PRRG3: variants seen among roughly 807,000 people sequenced by gnomAD.
The protein encoded by PRRG3 is proline rich and Gla domain 3.
Under a neutral mutation model 15.8 loss-of-function variants are expected in PRRG3, and 21 were observed. The ratio of observed to expected loss-of-function variants is 1.33; its 90% confidence interval spans 0.94 to 1.92. The LOEUF (loss-of-function observed/expected upper bound fraction) is 1.92. PRRG3 is among the 40% of genes most tolerant of loss of function. The pLI is 0.00. For missense variants in PRRG3, 251 were observed against 200.2 expected, an observed-to-expected ratio of 1.25 and a Z score of -1.53; for synonymous variants, 125 against 84.1, an observed-to-expected ratio of 1.49 and a Z score of -2.66.
At chrX:151,696,231 C>A (rs1253445469) in intron 1 of PRRG3, among the ~76,000 whole-genome samples, 1 of 111,389 alleles carries the variant, frequency 9.0e-6, no homozygotes, top group African/African-American at 3.3e-5. Flanking sequence ...GGAGCCCTCA[C>A]GATTGCTTCC....
rs759652055 is a variant in PRRG3, at chrX:151,700,319, G to A, written c.168+163G>A. Reference sequence around the variant, plus strand: ...CAGATAAAGTACGTACAGTCCCATTGCCTGACTCTTTTGGGGTCCTCCTCA... The same window carrying A: ...CAGATAAAGTACGTACAGTCCCATTACCTGACTCTTTTGGGGTCCTCCTCA... On this transcript the variant is annotated intron_variant, in intron 3 of 3. Coordinates refer to ENST00000674457, the MANE Select transcript of PRRG3 (RefSeq NM_001372163.1). 17 of 1,145,327 alleles carry A rather than the reference G, an allele frequency of 1.5e-5. No individual in the cohort carries two copies. In the African/African-American group the frequency reaches 2.7e-4, roughly 18 times the overall value. The allele number at this position is 1,145,327 out of a possible 1,213,427, so 94.4% of individuals were successfully genotyped here. A position where few individuals can be genotyped will look rare whatever the true frequency, so the allele number is the denominator to read the frequency against.
Position 151,700,932 on chromosome X carries a change from G to T in PRRG3, c.595G>T (p.Ala199Ser). Residue 199 changes from alanine to serine, a missense_variant, in exon 4 of 4, where the codon GCG (alanine) becomes TCG (serine). Physicochemically the swap from Ala to Ser is moderately conservative, Grantham distance 99. Coordinates refer to ENST00000674457, the MANE Select transcript of PRRG3 (RefSeq NM_001372163.1). ...TPPPSYEEVTAPQESSSEEAS... is the reference protein window; with the variant it reads ...TPPPSYEEVTSPQESSSEEAS... Reference sequence around the variant, plus strand: ...TCCCCCCTCCTACGAGGAGGTGACTGCGCCCCAAGAGAGCAGCAGTGAGGA... The same window carrying T: ...TCCCCCCTCCTACGAGGAGGTGACTTCGCCCCAAGAGAGCAGCAGTGAGGA... 3.3e-6 allele frequency: 4 copies of T among 1,210,879 alleles called. No homozygotes were observed.
intron 1 of PRRG3, chrX:151,698,489 G>A (rs2014804569): frequency 4.8e-6 from 1 of 208,898 alleles, no homozygotes; most frequent in Non-Finnish European, 8.7e-6. Context: ...CTTTTTAAAA[G>A]AAAAAGGTCA....
intron 1 of PRRG3, chrX:151,698,535 T>A (rs758495382): frequency 4.3e-5 from 12 of 276,186 alleles, no homozygotes; most frequent in Admixed American, 6.4e-5. Flanking sequence ...AACATGTTCT[T>A]GGGGGAAAAC....
At chrX:151,696,972 C>T (rs998637831) in intron 1 of PRRG3, among the ~76,000 whole-genome samples, 5 of 110,742 alleles carry the variant, frequency 4.5e-5, no homozygotes, top group African/African-American at 3.3e-5. Flanking sequence ...ATTTTCTTTT[C>T]TTTCTTTTCT....
rs376349778 is a variant in PRRG3 at position 151,701,527 on chromosome X, G to A, written c.*494G>A. 1 of 115,276 alleles carries A rather than the reference G, an allele frequency of 8.7e-6. No homozygotes were observed. Among genetic ancestry groups the A allele is most frequent in the Admixed American group, 9.3e-5 (1 of 10,737 alleles). The allele number at this position is 115,276 out of a possible 1,213,427, so 9.5% of individuals were successfully genotyped here. A position where few individuals can be genotyped will look rare whatever the true frequency, so the allele number is the denominator to read the frequency against. On this transcript the variant is annotated 3_prime_UTR_variant, in exon 4 of 4. Coordinates refer to ENST00000674457, the MANE Select transcript of PRRG3 (RefSeq NM_001372163.1). ...GTCCTTGCTTACATTTGGAGGACAG[G>A]GACAAGGACTGAGCAAAAACAAAAT...
At position 151,704,268 on chromosome X, in the gene PRRG3, G is replaced by T. The variant is rs2014944126; in HGVS notation, c.*3235G>T. The T allele has an allele frequency of 9.1e-6, 1 of 110,207 alleles. No individual in the cohort carries two copies. Among genetic ancestry groups the T allele is most frequent in the Non-Finnish European group, 1.9e-5 (1 of 52,829 alleles). 9.1% of individuals were successfully genotyped at this position (110,207 alleles called of 1,213,427 possible). A position where few individuals can be genotyped will look rare whatever the true frequency, so the allele number is the denominator to read the frequency against. ...GACGCAGTGCTGAGCAGTCAGCCCC[G>T]GGAGGCCTCTTTTTCAACTTCCAAT... On this transcript the variant is annotated 3_prime_UTR_variant, in exon 4 of 4. Coordinates refer to ENST00000674457, the MANE Select transcript of PRRG3 (RefSeq NM_001372163.1).
chrX:151,700,288 A>T (rs183537400), intron 3 of PRRG3, 132 bp downstream of exon 3: 1 of 1,168,913 alleles, frequency 8.6e-7, no homozygotes, highest in African/African-American at 1.8e-5. Context: ...TAGGGCCATC[A>T]CGGAGCAGAT....
At chrX:151,695,356 G>A (rs1482735662), upstream of PRRG3, 1 of 110,877 alleles carries the variant, frequency 9.0e-6, no homozygotes, top group African/African-American at 3.3e-5. Context: ...CGGGCGACAG[G>A]GTGCCCGGGG....
intron 3 of PRRG3, 138 bp from the exon 4 acceptor site, chrX:151,700,368 T>C (rs1313490109): frequency 4.4e-6 from 5 of 1,140,626 alleles, no homozygotes; most frequent in Non-Finnish European, 4.7e-6. Flanking sequence ...TCCTTTGCCC[T>C]TGGTACATTC....
Position 151,700,912 on chromosome X carries a change from C to A in PRRG3, c.575C>A (p.Pro192His), listed in dbSNP as rs746260075. 2 of 1,210,825 alleles carry A rather than the reference C, an allele frequency of 1.7e-6. No individual in the cohort carries two copies. Among genetic ancestry groups the A allele is most frequent in the Non-Finnish European group, 2.2e-6 (2 of 895,077 alleles). Residue 192 changes from proline to histidine, a missense_variant, in exon 4 of 4, where the codon CCC becomes CAC. Physicochemically the swap from Pro to His is moderately conservative, Grantham distance 77 (BLOSUM62 -2). Coordinates refer to ENST00000674457, the MANE Select transcript of PRRG3 (RefSeq NM_001372163.1). ...AGACTGTCCAGCACCACCCCTCCCC[C>A]CTCCTACGAGGAGGTGACTGCGCCC... ...LSRLSSTTPP[P>H]SYEEVTAPQE...
intron 3 of PRRG3, 98 bp downstream of exon 3, chrX:151,700,254 A>G: frequency 8.4e-7 from 1 of 1,197,292 alleles, no homozygotes; most frequent in Non-Finnish European, 1.1e-6. Context: ...GCAAGGAAAG[A>G]CACCCAGCCT....
rs1020451607 is a variant in PRRG3 at position 151,701,839 on chromosome X, C to T, written c.*806C>T. Reference sequence around the variant, plus strand: ...GACATGTGGACCAGCTGTGTTCAAACCACTACCCACTGGCATGAGCCTACT... The same window carrying T: ...GACATGTGGACCAGCTGTGTTCAAATCACTACCCACTGGCATGAGCCTACT... On this transcript the variant is annotated 3_prime_UTR_variant, in exon 4 of 4. Coordinates refer to ENST00000674457, the MANE Select transcript of PRRG3 (RefSeq NM_001372163.1). 2 of 112,641 alleles carry T rather than the reference C, an allele frequency of 1.8e-5. No homozygotes were observed. Among genetic ancestry groups the T allele is most frequent in the African/African-American group, 3.2e-5 (1 of 30,967 alleles). The allele number at this position is 112,641 out of a possible 1,213,427, so 9.3% of individuals were successfully genotyped here. A position where few individuals can be genotyped will look rare whatever the true frequency, so the allele number is the denominator to read the frequency against.
At position 151,700,714 on chromosome X, in the gene PRRG3, G is replaced by C. The variant is rs766939423; in HGVS notation, c.377G>C (p.Gly126Ala). Residue 126 changes from glycine to alanine, a missense_variant, in exon 4 of 4, where the codon GGG becomes GCG. Physicochemically the swap from Gly to Ala is moderately conservative, Grantham distance 60. Coordinates refer to ENST00000674457, the MANE Select transcript of PRRG3 (RefSeq NM_001372163.1). ...AACCGGTACCTAGCCAGTCGCGCCG[G>C]GCACACCCTCCCCCGGGTCATGGTG... ...AQNRYLASRA[G>A]HTLPRVMVYR... 1.9e-5 allele frequency: 23 copies of C among 1,207,557 alleles called. No homozygotes were observed. The highest frequency in any genetic ancestry group is 2.6e-5 in the Non-Finnish European group (23 of 894,007).
At chrX:151,700,365 C>A in intron 3 of PRRG3, 141 bp from the exon 4 acceptor site, 1 of 1,139,848 alleles carries the variant, frequency 8.8e-7, no homozygotes, top group South Asian at 2.1e-5. Flanking sequence ...TTGTCCTTTG[C>A]CCTTGGTACA....
At chrX:151,698,006 C>A (rs1182440251) in intron 1 of PRRG3, among the ~76,000 whole-genome samples, 1 of 111,069 alleles carries the variant, frequency 9.0e-6, no homozygotes, top group Non-Finnish European at 1.9e-5. Context: ...GGCTTTAATG[C>A]AAAGAGAGAA....
At position 151,705,177 on chromosome X, in the gene PRRG3, C is replaced by G. The variant is rs1250770793; in HGVS notation, c.*4144C>G. 3.3e-6 allele frequency: 1 copy of G among 303,834 alleles called. No homozygotes were observed. Among genetic ancestry groups the G allele is most frequent in the Admixed American group, 3.5e-5 (1 of 28,513 alleles). 25.0% of individuals were successfully genotyped at this position (303,834 alleles called of 1,213,427 possible). A position where few individuals can be genotyped will look rare whatever the true frequency, so the allele number is the denominator to read the frequency against. ...GGATATTGCAGCCTTTCACTCTACT[C>G]CGTTATTTATCCTGTGAATAACATA... is the stretch of plus-strand genomic sequence containing the variant. On this transcript the variant is annotated 3_prime_UTR_variant, in exon 4 of 4. Coordinates refer to ENST00000674457, the MANE Select transcript of PRRG3 (RefSeq NM_001372163.1).
In PRRG3 at chrX:151,698,966, G is replaced by T. The variant is rs776959411; in HGVS notation, c.7+145G>T. 27 of 491,995 alleles carry T rather than the reference G, an allele frequency of 5.5e-5. No homozygotes were observed. The African/African-American group carries it at 5.5e-4, about 10-fold the overall frequency. The allele number at this position is 491,995 out of a possible 1,213,427, so 40.5% of individuals were successfully genotyped here. On this transcript the variant is annotated intron_variant, in intron 2 of 3. Coordinates refer to ENST00000674457, the MANE Select transcript of PRRG3 (RefSeq NM_001372163.1). ...TTCCAAATGGCTGAGTAGCAGTTTT[G>T]CCCTCTCAACTCTTTGGCTCCCTTC...
chrX:151,704,108 A>G lies in PRRG3; in HGVS notation c.*3075A>G, dbSNP rs1044713494. 3.7e-5 allele frequency: 4 copies of G among 108,855 alleles called. No individual in the cohort carries two copies. Among genetic ancestry groups the G allele is most frequent in the Non-Finnish European group, 7.6e-5 (4 of 52,408 alleles). The allele number at this position is 108,855 out of a possible 1,213,427, so 9.0% of individuals were successfully genotyped here. A position where few individuals can be genotyped will look rare whatever the true frequency, so the allele number is the denominator to read the frequency against. ...CTTTTTAAGATTTTTTAAAAGAAAA[A>G]TCGAAATCCTGTCCCTCCCCCGCTT... is the stretch of plus-strand genomic sequence containing the variant. On this transcript the variant is annotated 3_prime_UTR_variant, in exon 4 of 4. Transcript: ENST00000674457.
Sources: gnomAD v4.1 joint callset for allele counts (sites outside exome capture counted in the v4.1 genomes callset) on GRCh38, gnomAD v4.1.1 for gene constraint, MANE v1.5 for transcripts, NCBI Gene and HGNC (gene_info 2026-07-23, HGNC 2026-07-21) for gene names.